The following PRSS23 variants were observed in gnomAD, a reference collection of about 807,000 sequenced individuals.
PRSS23 encodes the protein serine protease 23, also known as protease, serine 23.
PRSS23 carries 25 observed loss-of-function variants against 34.7 expected under a neutral mutation model. The ratio of observed to expected loss-of-function variants is 0.72; its 90% confidence interval spans 0.53 to 1.01. The LOEUF is 1.01. Among genes scored for constraint, PRSS23 ranks in the 50% least tolerant of loss-of-function variants. The pLI is 0.00. For synonymous variants in PRSS23, 176 were observed against 186.6 expected (o/e 0.94, Z 0.46); for missense variants, 445 against 475.6 (o/e 0.94, Z 0.60).
chr11:86,818,031 A>G (rs1386019626), intron 1 of PRSS23, among the ~76,000 whole-genome samples: 1 of 152,228 alleles, frequency 6.6e-6, no homozygotes, highest in African/African-American at 2.4e-5. Context: ...CAGGAGCCTC[A>G]GGGAAGGCAA....
At chr11:86,807,313 G>A (rs942104670) in intron 1 of PRSS23, among the ~76,000 whole-genome samples, 4 of 152,120 alleles carry the variant, frequency 2.6e-5, no homozygotes, top group African/African-American at 9.7e-5. Flanking sequence ...GGAAATTGGG[G>A]CTGGTCAGTC....
At chr11:86,914,050 A>AAAG (rs1465863697) in intron 2 of PRSS23, among the ~76,000 whole-genome samples, 1 of 150,968 alleles carries the variant, frequency 6.6e-6, no homozygotes, top group Non-Finnish European at 1.5e-5. Flanking sequence ...ACTAAAAAAA[A>AAAG]AAAAAAAAAA....
At position 86,807,766 on chromosome 11, in the gene PRSS23, G is replaced by C; in HGVS notation, c.123G>C (p.Leu41Phe). The C allele has an allele frequency of 6.2e-7, 1 of 1,614,038 alleles. No individual in the cohort carries two copies. ...CTGCATACCGCCTCCCTGTCGTCTT[G>C]CCCCAGTCTACCCTCAATTTAGCCA... is the stretch of plus-strand genomic sequence containing the variant. ...TWPAYRLPVV[L>F]PQSTLNLAKP... The change falls in exon 2 of 2, where the codon TTG becomes TTC. Residue 41 changes from leucine (L) to phenylalanine (F), a missense_variant. Coordinates refer to ENST00000280258, the MANE Select transcript of PRSS23 (RefSeq NM_007173.6).
intron 2 of PRSS23, chr11:86,837,209 C>A (rs1284181101): frequency 6.6e-6 from 1 of 152,298 alleles, no homozygotes; most frequent in South Asian, 2.1e-4. Flanking sequence ...ATTAAGAACT[C>A]AAATGTATTA....
chr11:86,800,407 A>C, upstream of PRSS23: 1 of 964,934 alleles, frequency 1.0e-6, no homozygotes, highest in Non-Finnish European at 1.2e-6. Flanking sequence ...CGGCGAGGGG[A>C]GGGGGGCACG....
chr11:86,807,839 G>A lies in PRSS23; in HGVS notation c.196G>A (p.Gly66Arg), dbSNP rs1948121140. ...EAKLEVSSSC[G>R]PQCHKGTPLP... ...CAAATTAGAAGTATCTTCTTCATGTGGACCCCAGTGTCATAAGGGAACTCC... is the reference window on the plus strand; with the variant it reads ...CAAATTAGAAGTATCTTCTTCATGTAGACCCCAGTGTCATAAGGGAACTCC... The change falls in exon 2 of 2, where the codon GGA becomes AGA. Residue 66 changes from glycine to arginine, a missense_variant. Physicochemically the swap from Gly to Arg is moderately radical, Grantham distance 125 (BLOSUM62 -2). Coordinates refer to ENST00000280258, the MANE Select transcript of PRSS23 (RefSeq NM_007173.6). The A allele has an allele frequency of 6.2e-7, 1 of 1,614,076 alleles. No homozygotes were observed. Among genetic ancestry groups the A allele is most frequent in the Non-Finnish European group, 8.5e-7 (1 of 1,180,022 alleles).
chr11:86,824,251 T>G (rs1013456193), intron 2 of PRSS23, among the ~76,000 whole-genome samples: 3 of 149,670 alleles, frequency 2.0e-5, no homozygotes, highest in Non-Finnish European at 3.0e-5. Context: ...GAGATTGCAG[T>G]GAGCCAAGAT....
At chr11:86,795,831 GA>G (rs1947977227), upstream of PRSS23, among the ~76,000 whole-genome samples, 1 of 152,192 alleles carries the variant, frequency 6.6e-6, no homozygotes. Flanking sequence ...AAATGATTTT[GA>G]AATATGCCCA....
intron 1 of PRSS23, among the ~76,000 whole-genome samples, chr11:86,803,344 A>T (rs539124811): frequency 2.0e-5 from 3 of 152,166 alleles, no homozygotes; most frequent in African/African-American, 4.8e-5. Flanking sequence ...CTCATTAGTT[A>T]CCTTTCCAGG....
intron 2 of PRSS23, among the ~76,000 whole-genome samples, chr11:86,895,879 G>A (rs1227517299): frequency 6.6e-6 from 1 of 152,148 alleles, no homozygotes; most frequent in Non-Finnish European, 1.5e-5. Flanking sequence ...GGCCAGATAT[G>A]AAGATGAATT....
intron 2 of PRSS23, among the ~76,000 whole-genome samples, chr11:86,906,400 C>G (rs1948943143): frequency 6.6e-6 from 1 of 152,240 alleles, no homozygotes; most frequent in African/African-American, 2.4e-5. Context: ...CGCCCTCCGC[C>G]TGGTACTCGC....
chr11:86,949,875 C>G (rs2047346435), intron 2 of PRSS23: 1 of 152,676 alleles, frequency 6.5e-6, no homozygotes, highest in Non-Finnish European at 1.5e-5. Context: ...TTGCCAATTA[C>G]TAGGAAACAA....
At chr11:86,880,741 C>A (rs1015997375) in intron 2 of PRSS23, among the ~76,000 whole-genome samples, 1 of 152,158 alleles carries the variant, frequency 6.6e-6, no homozygotes, top group Non-Finnish European at 1.5e-5. Flanking sequence ...TGAGAACATG[C>A]AGCATTTGGT....
intron 2 of PRSS23, chr11:86,951,116 G>A: frequency 6.2e-7 from 1 of 1,612,318 alleles, no homozygotes. Flanking sequence ...CCTTCAAAAT[G>A]AAGAAAGCAT....
intron 2 of PRSS23, among the ~76,000 whole-genome samples, chr11:86,929,337 A>C (rs1949107770): frequency 6.8e-6 from 1 of 147,386 alleles, no homozygotes; most frequent in South Asian, 2.2e-4. Context: ...AAAAAAAACA[A>C]AAAAAAAAAC....
chr11:86,834,731 C>G (rs923824219), intron 2 of PRSS23, among the ~76,000 whole-genome samples: 2 of 152,134 alleles, frequency 1.3e-5, no homozygotes, highest in Non-Finnish European at 2.9e-5. Flanking sequence ...AATTCCCTTT[C>G]TCTCCATATT....
At position 86,810,835 on chromosome 11, in the gene PRSS23, A is replaced by C; in HGVS notation, c.*2040A>C. 1 of 167,164 alleles carries C rather than the reference A, an allele frequency of 6.0e-6. No homozygotes were observed. 10.4% of individuals were successfully genotyped at this position (167,164 alleles called of 1,614,324 possible). A position where few individuals can be genotyped will look rare whatever the true frequency, so the allele number is the denominator to read the frequency against. On this transcript the variant is annotated 3_prime_UTR_variant, in exon 2 of 2. Transcript: ENST00000280258. ...CACAGAACTGTAAAAGAAAATTATA[A>C]AATAATTCAACATGTCCATCTTTTT...
intron 2 of PRSS23, among the ~76,000 whole-genome samples, chr11:86,844,805 T>A (rs188303376): frequency 6.6e-6 from 1 of 152,320 alleles, no homozygotes; most frequent in Non-Finnish European, 1.5e-5. Context: ...ATTGAGTATG[T>A]TGGGCTGGGC....
intron 2 of PRSS23, among the ~76,000 whole-genome samples, chr11:86,903,195 A>G (rs895827801): frequency 6.6e-6 from 1 of 151,918 alleles, no homozygotes; most frequent in Non-Finnish European, 1.5e-5. Context: ...GTTCTTACCT[A>G]CTACATGGAT....
Sources: gnomAD v4.1 joint callset for allele counts (sites outside exome capture counted in the v4.1 genomes callset) on GRCh38, gnomAD v4.1.1 for gene constraint, MANE v1.5 for transcripts, NCBI Gene and HGNC (gene_info 2026-07-23, HGNC 2026-07-21) for gene names.